Variants in UNC13B observed in about 807,000 individuals in gnomAD.
UNC13B encodes the protein protein unc-13 homolog B.
In UNC13B, 144 loss-of-function variants were observed where a neutral mutation model predicts 211.0. That is an observed-to-expected ratio of 0.68 (90% CI 0.60 to 0.78). The LOEUF is 0.78. Among genes scored for constraint, UNC13B ranks in the 30% least tolerant of loss-of-function variants. UNC13B has a pLI of 0.00. For synonymous variants in UNC13B, 709 were observed against 725.8 expected, an observed-to-expected ratio of 0.98 and a Z score of 0.37; for missense variants, 1,777 against 2,002.0, an observed-to-expected ratio of 0.89 and a Z score of 2.14.
chr9:35,397,300 G>T lies in UNC13B; in HGVS notation c.11666G>T (p.Arg3889Met). Residue 3889 changes from arginine (R) to methionine (M), a missense_variant, in exon 29 of 40, where the codon AGG (arginine) becomes ATG (methionine). Arg to Met is a moderately conservative substitution (Grantham distance 91). Coordinates refer to ENST00000635942, the MANE Select transcript of UNC13B (RefSeq NM_001371189.2). ...DPSILAHYMRRFAKTIGKVLM... is the reference protein window; with the variant it reads ...DPSILAHYMRMFAKTIGKVLM... ...AGCATCCTTGCCCACTACATGAGGA[G>T]GTTTGCTAAGGTGACCATAACTCTT... The T allele has an allele frequency of 6.2e-7, 1 of 1,613,968 alleles. No individual in the cohort carries two copies. The highest frequency in any genetic ancestry group is 1.3e-5 in the African/African-American group (1 of 75,026).
intron 8 of UNC13B, among the ~76,000 whole-genome samples, chr9:35,298,072 A>C (rs1369499154): frequency 6.6e-6 from 1 of 152,040 alleles, no homozygotes; most frequent in Non-Finnish European, 1.5e-5. Context: ...TATTGATTGG[A>C]GGTTAGTTTT....
At position 35,367,626 on chromosome 9, in the gene UNC13B, G is replaced by A. The variant is rs536498913; in HGVS notation, c.9461+633G>A. Among the ~76,000 whole-genome samples the A allele has an allele frequency of 3.6e-5, 5 of 137,160 alleles. 1 individual carries two copies. The highest frequency in any genetic ancestry group is 3.5e-4 in the Admixed American group (5 of 14,122). 90.0% of individuals were successfully genotyped at this position (137,160 alleles called of 152,430 possible). ...TTCTATCCATTCCATTGTTGATGGT[G>A]TGGCTGATTAAGTTACTCCTAGGCT... is the stretch of plus-strand genomic sequence containing the variant. On this transcript the variant is annotated intron_variant, in intron 12 of 39. Coordinates refer to ENST00000635942, the MANE Select transcript of UNC13B (RefSeq NM_001371189.2).
At chr9:35,391,421 G>T (rs545095993) in intron 26 of UNC13B, among the ~76,000 whole-genome samples, 5 of 152,276 alleles carry the variant, frequency 3.3e-5, no homozygotes, top group African/African-American at 1.2e-4. Flanking sequence ...GAGCCATCTG[G>T]GCAAGGACAA....
intron 3 of UNC13B, among the ~76,000 whole-genome samples, chr9:35,235,630 G>C (rs1252635719): frequency 6.6e-6 from 1 of 152,046 alleles, no homozygotes; most frequent in Admixed American, 6.6e-5. Flanking sequence ...GTAGAGACAG[G>C]GTTTTGCAAC....
chr9:35,218,877 G>A (rs1052644359), intron 1 of UNC13B, among the ~76,000 whole-genome samples: 3 of 151,934 alleles, frequency 2.0e-5, no homozygotes, highest in Admixed American at 6.6e-5. Context: ...AGCCTCCTGA[G>A]TAGCTGGGAT....
At chr9:35,268,493 C>T (rs1454168858) in intron 7 of UNC13B, among the ~76,000 whole-genome samples, 2 of 152,114 alleles carry the variant, frequency 1.3e-5, no homozygotes, top group African/African-American at 4.8e-5. Context: ...GTGGCGGGCA[C>T]CTGTAATCCT....
chr9:35,382,429 C>T lies in UNC13B; in HGVS notation c.10728C>T (p.Asn3576=). The T allele has an allele frequency of 6.2e-7, 1 of 1,614,178 alleles. No individual in the cohort carries two copies. Among genetic ancestry groups the T allele is most frequent in the Non-Finnish European group, 8.5e-7 (1 of 1,180,038 alleles). Residue 3576 remains asparagine, a synonymous_variant, in exon 21 of 40, where the codon AAC becomes AAT. Transcript: ENST00000635942. ...VPAVMSTLLA[N]INAYYAHTTA... is the part of the protein sequence containing the mutation. ...CAGTGATGAGCACCTTACTGGCCAA[C>T]ATCAACGCCTACTATGCCCACACAA...
Position 35,300,173 on chromosome 9 carries a change from C to A in UNC13B, c.769C>A (p.Gln257Lys). The A allele has an allele frequency of 2.5e-6, 1 of 398,640 alleles. No individual in the cohort carries two copies. The highest frequency in any genetic ancestry group is 1.3e-4 in the South Asian group (1 of 7,802). 24.7% of individuals were successfully genotyped at this position (398,640 alleles called of 1,614,324 possible). A position where few individuals can be genotyped will look rare whatever the true frequency, so the allele number is the denominator to read the frequency against. The change falls in exon 9 of 40, where the codon CAG (glutamine) becomes AAG (lysine). Residue 257 changes from glutamine (Q) to lysine (K), a missense_variant. By Grantham distance (53) the Gln-to-Lys change is moderately conservative. Coordinates refer to ENST00000635942, the MANE Select transcript of UNC13B (RefSeq NM_001371189.2). ...AACTTCTGTTTTCTCCAGGTATGCT[C>A]AGAAATATGATACACTAGATAGAAG... ...YPERRAIRYA[Q>K]KYDTLDRRRK...
chr9:35,384,867 G>T (rs1205298717), intron 22 of UNC13B: 2 of 686,248 alleles, frequency 2.9e-6, no homozygotes, highest in Non-Finnish European at 3.6e-6. Context: ...TTCCTCCTAT[G>T]TTAGATCTTA....
rs1352809056 is a variant in UNC13B, at chr9:35,303,266, G to A, written c.3862G>A (p.Glu1288Lys). The A allele has an allele frequency of 7.5e-6, 3 of 398,442 alleles. No homozygotes were observed. The highest frequency in any genetic ancestry group is 4.4e-6 in the Non-Finnish European group (1 of 225,722). The allele number at this position is 398,442 out of a possible 1,614,324, so 24.7% of individuals were successfully genotyped here. ...QQSEKHHPSS[E>K]NIVLHCAPSA... ...AAGTGAAAAGCATCACCCCTCCTCT[G>A]AGAACATTGTACTTCACTGTGCTCC... Residue 1288 changes from glutamate (E) to lysine (K), a missense_variant, in exon 9 of 40, where the codon GAG becomes AAG. Transcript: ENST00000635942.
At chr9:35,357,403 G>A (rs1833094891) in intron 11 of UNC13B, among the ~76,000 whole-genome samples, 1 of 151,886 alleles carries the variant, frequency 6.6e-6, no homozygotes. Context: ...TTTAAGCCTT[G>A]GACCACTTTT....
rs1381471462 is a variant in UNC13B, at chr9:35,400,329, A to G, written c.12370A>G (p.Lys4124Glu). The G allele has an allele frequency of 6.2e-7, 1 of 1,614,054 alleles. No homozygotes were observed. The highest frequency in any genetic ancestry group is 1.3e-5 in the African/African-American group (1 of 74,932). Reference protein sequence around the residue: ...YFHAGGNGLKKTFLEKSPDLQ... With the variant: ...YFHAGGNGLKETFLEKSPDLQ... The stretch of plus-strand genomic sequence containing the variant: ...CCATGCAGGAGGCAATGGGCTGAAG[A>G]AAACCTTCCTGGAGAAGAGCCCAGA... The change falls in exon 37 of 40, where the codon AAA becomes GAA. Residue 4124 changes from lysine to glutamate, a missense_variant. By Grantham distance (56) the Lys-to-Glu change is moderately conservative. Coordinates refer to ENST00000635942, the MANE Select transcript of UNC13B (RefSeq NM_001371189.2).
chr9:35,384,447 C>T, intron 22 of UNC13B, 133 bp downstream of exon 22: 1 of 1,441,346 alleles, frequency 6.9e-7, no homozygotes. Context: ...CCCAAATGGC[C>T]AATGCTACTG....
At chr9:35,282,682 G>T (rs1415744992) in intron 7 of UNC13B, among the ~76,000 whole-genome samples, 1 of 152,088 alleles carries the variant, frequency 6.6e-6, no homozygotes, top group Non-Finnish European at 1.5e-5. Context: ...TGATCTGCCT[G>T]CCTCAGTCTC....
chr9:35,211,795 G>T (rs1396869539), intron 1 of UNC13B, among the ~76,000 whole-genome samples: 1 of 152,144 alleles, frequency 6.6e-6, no homozygotes, highest in African/African-American at 2.4e-5. Flanking sequence ...GTAATAAAAA[G>T]TTTATTTTAT....
chr9:35,219,770 G>C (rs746296761), intron 1 of UNC13B, among the ~76,000 whole-genome samples: 33 of 152,098 alleles, frequency 2.2e-4, no homozygotes, highest in South Asian at 2.1e-4. Context: ...TTAAAAAAAT[G>C]GTGTACAGTG....
intron 6 of UNC13B, among the ~76,000 whole-genome samples, chr9:35,250,905 AC>A (rs1259073473): frequency 6.7e-6 from 1 of 148,850 alleles, no homozygotes; most frequent in Non-Finnish European, 1.5e-5. Context: ...CCATTTAAAA[AC>A]TTTTTTATTA....
In UNC13B at chr9:35,236,516, A is replaced by G. The variant is rs756548220; in HGVS notation, c.200A>G (p.Lys67Arg). ...DLGLSVEVWN[K>R]GLIWDTMVGT... ...GGTCTAAGTGTGGAGGTATGGAACA[A>G]AGGACTGATCTGGGACACCATGGTG... The change falls in exon 4 of 40, where the codon AAA becomes AGA. Residue 67 changes from lysine (K) to arginine (R), a missense_variant. Coordinates refer to ENST00000635942, the MANE Select transcript of UNC13B (RefSeq NM_001371189.2). 2 of 1,613,978 alleles carry G rather than the reference A, an allele frequency of 1.2e-6. No homozygotes were observed. The highest frequency in any genetic ancestry group is 4.5e-5 in the East Asian group (2 of 44,892).
rs891892442 is a variant in UNC13B, at chr9:35,272,396, T to C, written c.526+13346T>C. Among the ~76,000 whole-genome samples the C allele has an allele frequency of 7.9e-5, 12 of 151,934 alleles. No homozygotes were observed. In the South Asian group the frequency reaches 1.7e-3, roughly 21 times the overall value. On this transcript the variant is annotated intron_variant, in intron 7 of 39. Transcript: ENST00000635942. ...CCTCAGCCTCTCGAGTAGCTGGGAT[T>C]ACAGGCACCTACCACCACACGTGGC... is the stretch of plus-strand genomic sequence containing the variant.
Sources: gnomAD v4.1 joint callset for allele counts (sites outside exome capture counted in the v4.1 genomes callset) on GRCh38, gnomAD v4.1.1 for gene constraint, MANE v1.5 for transcripts, NCBI Gene and HGNC (gene_info 2026-07-23, HGNC 2026-07-21) for gene names.